KPNA1: variants seen among roughly 807,000 people sequenced by gnomAD.
KPNA1 encodes importin subunit alpha-5.
Under a neutral mutation model 70.5 loss-of-function variants are expected in KPNA1, and 10 were observed. That is an observed-to-expected ratio of 0.14 (90% CI 0.09 to 0.24). The LOEUF (loss-of-function observed/expected upper bound fraction) is 0.24, where lower values mean the gene tolerates loss of function less well. Ranked by LOEUF, KPNA1 falls within the 10% of genes least tolerant of loss-of-function variation. The pLI, the probability that KPNA1 is intolerant of heterozygous loss-of-function variation, is 1.00. For missense variants in KPNA1, 397 were observed against 637.9 expected (o/e 0.62, Z 4.07); for synonymous variants, 192 against 221.9 (o/e 0.87, Z 1.20).
intron 11 of KPNA1, 49 bp downstream of exon 11, chr3:122,437,121 T>A (rs1281550336): frequency 2.5e-6 from 4 of 1,584,052 alleles, no homozygotes; most frequent in Non-Finnish European, 3.4e-6. Flanking sequence ...AAAAAAACCT[T>A]ACTTTTCAAT....
intron 13 of KPNA1, 35 bp downstream of exon 13, chr3:122,427,503 C>G: frequency 3.2e-6 from 5 of 1,585,434 alleles, no homozygotes; most frequent in Non-Finnish European, 4.3e-6. Flanking sequence ...CCAATTCATT[C>G]TTGGCCATAA....
At chr3:122,490,724 A>G (rs1440616365) in intron 2 of KPNA1, among the ~76,000 whole-genome samples, 1 of 152,342 alleles carries the variant, frequency 6.6e-6, no homozygotes, top group South Asian at 2.1e-4. Flanking sequence ...GCTCACTGCA[A>G]AAAGGTAATT....
At chr3:122,463,413 C>T (rs1271706703) in intron 4 of KPNA1, among the ~76,000 whole-genome samples, 5 of 150,412 alleles carry the variant, frequency 3.3e-5, no homozygotes, top group East Asian at 3.9e-4. Context: ...CCCAGCTACT[C>T]GGGAGACTGA....
intron 1 of KPNA1, among the ~76,000 whole-genome samples, chr3:122,498,014 A>G (rs1030497305): frequency 2.6e-5 from 4 of 152,174 alleles, no homozygotes; most frequent in African/African-American, 7.2e-5. Context: ...TTTAACTGAT[A>G]CATTTAAGTC....
Position 122,427,686 on chromosome 3 carries a change from C to CGGCTT in KPNA1, c.1276_1280dup (p.Leu428SerfsTer19). ...CCATGACCGTGAGGAGATCACAGAG[C>CGGCTT]GGCTTGATACAACCCAGTTCTACTA... On this transcript the variant is annotated frameshift_variant, in exon 13 of 14. Transcript: ENST00000344337. LOFTEE classifies it high-confidence loss of function. 1 of 1,609,658 alleles carries CGGCTT rather than the reference C, an allele frequency of 6.2e-7. No homozygotes were observed. The highest frequency in any genetic ancestry group is 8.5e-7 in the Non-Finnish European group (1 of 1,177,458).
chr3:122,445,403 T>C (rs1479843787), intron 9 of KPNA1, among the ~76,000 whole-genome samples: 1 of 152,164 alleles, frequency 6.6e-6, no homozygotes, highest in African/African-American at 2.4e-5. Flanking sequence ...ACCAAGAATG[T>C]CATATCCAGC....
chr3:122,489,905 G>A (rs1167881041), intron 2 of KPNA1, among the ~76,000 whole-genome samples: 2 of 152,162 alleles, frequency 1.3e-5, no homozygotes, highest in Non-Finnish European at 2.9e-5. Flanking sequence ...TAAGTATGGA[G>A]CAGTACTAAG....
At chr3:122,452,107 T>A in intron 6 of KPNA1, 43 bp from the exon 7 acceptor site, 1 of 1,273,144 alleles carries the variant, frequency 7.9e-7, no homozygotes, top group Non-Finnish European at 1.1e-6. Context: ...ATAGTTTAAT[T>A]CCCTCATAAT....
chr3:122,429,550 A>C (rs2075872382), intron 12 of KPNA1, among the ~76,000 whole-genome samples: 1 of 151,940 alleles, frequency 6.6e-6, no homozygotes, highest in African/African-American at 2.4e-5. Context: ...AAACTACAAA[A>C]CTGATGATCT....
intron 2 of KPNA1, among the ~76,000 whole-genome samples, chr3:122,486,946 A>G (rs2076636652): frequency 6.6e-6 from 1 of 152,168 alleles, no homozygotes; most frequent in Admixed American, 6.5e-5. Context: ...ATTATTCTGA[A>G]AACAAATACA....
chr3:122,434,523 C>T (rs953740342), intron 11 of KPNA1, among the ~76,000 whole-genome samples: 5 of 152,200 alleles, frequency 3.3e-5, no homozygotes, highest in Admixed American at 6.5e-5. Flanking sequence ...ATCTCAAACA[C>T]ATCATCTGCC....
chr3:122,429,526 G>T (rs1036941268), intron 12 of KPNA1, among the ~76,000 whole-genome samples: 3 of 149,086 alleles, frequency 2.0e-5, no homozygotes, highest in South Asian at 4.2e-4. Flanking sequence ...TGTACAACAG[G>T]ATATATATGA....
At chr3:122,465,591 TTTAGTTG>T (rs2076371013) in intron 3 of KPNA1, among the ~76,000 whole-genome samples, 1 of 152,356 alleles carries the variant, frequency 6.6e-6, no homozygotes, top group East Asian at 1.9e-4. Flanking sequence ...TCCATACATT[TTTAGTTG>T]CACAAAGGAA....
At chr3:122,446,591 C>T (rs984106788) in intron 9 of KPNA1, among the ~76,000 whole-genome samples, 1 of 151,912 alleles carries the variant, frequency 6.6e-6, no homozygotes, top group African/African-American at 2.4e-5. Context: ...AAATCAACAC[C>T]CAACATCACC....
chr3:122,480,206 G>A (rs2076554852), intron 2 of KPNA1, among the ~76,000 whole-genome samples: 1 of 152,082 alleles, frequency 6.6e-6, no homozygotes, highest in South Asian at 2.1e-4. Context: ...TTTAGCACAG[G>A]GAATCTACTC....
At chr3:122,463,127 G>GTCTCCT (rs1482892041) in intron 4 of KPNA1, among the ~76,000 whole-genome samples, 2 of 152,082 alleles carry the variant, frequency 1.3e-5, no homozygotes, top group Non-Finnish European at 2.9e-5. Flanking sequence ...CGAGGCAGGA[G>GTCTCCT]GATCACAAGG....
chr3:122,506,893 T>C (rs544109365), intron 1 of KPNA1, among the ~76,000 whole-genome samples: 29 of 152,326 alleles, frequency 1.9e-4, no homozygotes, highest in African/African-American at 6.3e-4. Flanking sequence ...AAACCCTGAA[T>C]TGAATACTTC....
At chr3:122,493,708 T>C (rs2076726238) in intron 2 of KPNA1, among the ~76,000 whole-genome samples, 1 of 152,132 alleles carries the variant, frequency 6.6e-6, no homozygotes, top group Non-Finnish European at 1.5e-5. Flanking sequence ...AACATAGTCT[T>C]ATACTGAAAG....
chr3:122,438,393 T>TTG (rs1473873919), intron 10 of KPNA1, among the ~76,000 whole-genome samples: 1 of 147,026 alleles, frequency 6.8e-6, no homozygotes, highest in African/African-American at 2.5e-5. Flanking sequence ...CTTTTTTGTT[T>TTG]TTTTTTTTTT....
Sources: allele counts gnomAD v4.1 joint callset (sites outside exome capture counted in the v4.1 genomes callset), GRCh38; gene constraint gnomAD v4.1.1; transcripts MANE v1.5; gene names NCBI Gene and HGNC (gene_info 2026-07-23, HGNC 2026-07-21).